The following SMOC2 variants were observed in gnomAD, a reference collection of about 807,000 sequenced individuals.
The protein encoded by SMOC2 is SPARC related modular calcium binding 2.
A neutral mutation model predicts 61.4 loss-of-function variants in SMOC2; 39 were observed. That is an observed-to-expected ratio of 0.64 (90% CI 0.49 to 0.83). The LOEUF is 0.83. SMOC2 is among the 40% of genes least tolerant of loss of function. The probability of loss-of-function intolerance (pLI) is 0.00; values close to 1 mark genes in which losing one functional copy is unlikely to be tolerated. For synonymous variants in SMOC2, 247 were observed against 239.9 expected, an observed-to-expected ratio of 1.03 and a Z score of -0.27; for missense variants, 556 against 592.9, an observed-to-expected ratio of 0.94 and a Z score of 0.65.
chr6:168,456,741 G>C (rs997559540), intron 1 of SMOC2, among the ~76,000 whole-genome samples: 2 of 152,182 alleles, frequency 1.3e-5, no homozygotes, highest in Non-Finnish European at 2.9e-5. Flanking sequence ...ATCAGGTACT[G>C]TTAACAGGAG....
chr6:168,638,817 T>C (rs10945529), intron 9 of SMOC2, among the ~76,000 whole-genome samples: 26,931 of 152,132 alleles, frequency 0.18, 2,970 homozygotes, highest in South Asian at 0.35. Context: ...CTCGTTCCAT[T>C]TGAGATTCAA....
intron 1 of SMOC2, 86 bp downstream of exon 1, chr6:168,441,540 G>T (rs1233694701): frequency 8.0e-6 from 11 of 1,370,882 alleles, no homozygotes; most frequent in Non-Finnish European, 1.0e-5. Context: ...CCCGCTCCAG[G>T]CCCAGGCGCC....
intron 7 of SMOC2, among the ~76,000 whole-genome samples, chr6:168,581,510 C>T (rs569025015): frequency 2.0e-5 from 3 of 152,336 alleles, no homozygotes; most frequent in African/African-American, 7.2e-5. Context: ...GTTTGAGAAT[C>T]GCTGCCCTAG....
rs557658032 is a variant in SMOC2 at position 168,531,961 on chromosome 6, T to G, written c.463+4234T>G. ...AGGGCTCTGGAGAGTGGGGTGAGGT[T>G]GATGGCAAATGGTGTGGTGCCTTGG... is the stretch of plus-strand genomic sequence containing the variant. On this transcript the variant is annotated intron_variant, in intron 4 of 12. Transcript: ENST00000356284. Among the ~76,000 whole-genome samples, 13 of 152,198 alleles carry G rather than the reference T, an allele frequency of 8.5e-5. No individual in the cohort carries two copies. The South Asian group carries it at 2.7e-3, about 32-fold the overall frequency.
Position 168,527,646 on chromosome 6 carries a change from A to G in SMOC2, c.382A>G (p.Thr128Ala). Residue 128 changes from threonine to alanine, a missense_variant, in exon 4 of 13, where the codon ACG becomes GCG. By Grantham distance (58) the Thr-to-Ala change is moderately conservative. Coordinates refer to ENST00000356284, the MANE Select transcript of SMOC2 (RefSeq NM_001166412.2). ...CTCGCAGGTCCAGTGTCACAGCTAC[A>G]CGGGATACTGCTGGTGCGTCACGCC... is the stretch of plus-strand genomic sequence containing the variant. ...TYSQVQCHSY[T>A]GYCWCVTPNG... 6.4e-7 allele frequency: 1 copy of G among 1,551,712 alleles called. No homozygotes were observed. The highest frequency in any genetic ancestry group is 8.7e-7 in the Non-Finnish European group (1 of 1,147,478).
At chr6:168,472,870 T>A (rs925101642) in intron 1 of SMOC2, among the ~76,000 whole-genome samples, 2 of 152,170 alleles carry the variant, frequency 1.3e-5, no homozygotes, top group African/African-American at 4.8e-5. Flanking sequence ...AGCATCGTGA[T>A]GTTTTGAAGC....
rs1201843375 is a variant in SMOC2, at chr6:168,556,818, G to GT, written c.637+7625dup. Among the ~76,000 whole-genome samples, 415 of 130,484 alleles carry GT rather than the reference G, an allele frequency of 3.2e-3. 3 individuals carry two copies. The highest frequency in any genetic ancestry group is 9.5e-3 in the African/African-American group (326 of 34,400). The allele number at this position is 130,484 out of a possible 152,430, so 85.6% of individuals were successfully genotyped here. On this transcript the variant is annotated intron_variant, in intron 7 of 12. Coordinates refer to ENST00000356284, the MANE Select transcript of SMOC2 (RefSeq NM_001166412.2). The stretch of plus-strand genomic sequence containing the variant: ...CCATGTGTTCTCATTGTTCTGTTAG[G>GT]TTTTTTTTTTGTGAGCTGGAGAGAA...
chr6:168,501,794 T>C (rs1223963286), intron 1 of SMOC2, among the ~76,000 whole-genome samples: 3 of 152,250 alleles, frequency 2.0e-5, no homozygotes, highest in Non-Finnish European at 4.4e-5. Context: ...TGGTTGTGTG[T>C]GCATCCTGAG....
intron 1 of SMOC2, among the ~76,000 whole-genome samples, chr6:168,469,423 C>T (rs184619248): frequency 9.9e-4 from 150 of 152,280 alleles, no homozygotes; most frequent in Non-Finnish European, 1.6e-3. Flanking sequence ...GTTTTGTAAA[C>T]GGATAGGGGT....
intron 10 of SMOC2, among the ~76,000 whole-genome samples, chr6:168,651,321 C>T (rs980940868): frequency 6.6e-6 from 1 of 152,068 alleles, no homozygotes; most frequent in Non-Finnish European, 1.5e-5. Flanking sequence ...TCCTTGAGTA[C>T]CTGGTAGGCA....
intron 7 of SMOC2, among the ~76,000 whole-genome samples, chr6:168,575,899 G>T (rs1189018599): frequency 6.6e-6 from 1 of 150,972 alleles, no homozygotes; most frequent in Admixed American, 6.6e-5. Flanking sequence ...TTACTGACTT[G>T]GGTGCCCTCC....
chr6:168,566,618 A>C (rs1784548742), intron 7 of SMOC2, among the ~76,000 whole-genome samples: 1 of 151,406 alleles, frequency 6.6e-6, no homozygotes, highest in Admixed American at 6.6e-5. Context: ...AGTAGCTGGG[A>C]CTACAGGCAC....
intron 1 of SMOC2, among the ~76,000 whole-genome samples, chr6:168,478,894 C>T (rs113187923): frequency 4.7e-4 from 53 of 111,756 alleles, no homozygotes; most frequent in South Asian, 3.2e-3. Context: ...TTGAATGATT[C>T]ATGGTATCTG....
At position 168,565,767 on chromosome 6, in the gene SMOC2, T is replaced by A. The variant is rs1372125302; in HGVS notation, c.637+16564T>A. 2.6e-5 allele frequency among the ~76,000 whole-genome samples: 4 copies of A among 152,152 alleles called. No homozygotes were observed. In the East Asian group the frequency reaches 7.7e-4, roughly 29 times the overall value. On this transcript the variant is annotated intron_variant, in intron 7 of 12. Coordinates refer to ENST00000356284, the MANE Select transcript of SMOC2 (RefSeq NM_001166412.2). Reference sequence around the variant, plus strand: ...CACCACCAACGCCATCACCCTTCTTTCTGCAATCATCTAAGGTCCCAGCTG... The same window carrying A: ...CACCACCAACGCCATCACCCTTCTTACTGCAATCATCTAAGGTCCCAGCTG...
At chr6:168,599,675 TAC>T (rs910206304) in intron 8 of SMOC2, among the ~76,000 whole-genome samples, 4 of 75,396 alleles carry the variant, frequency 5.3e-5, no homozygotes, top group Non-Finnish European at 1.0e-4. Flanking sequence ...CACACTCCCC[TAC>T]ACACTCTCAC....
chr6:168,533,745 A>T (rs1224764625), intron 4 of SMOC2, among the ~76,000 whole-genome samples: 2 of 152,140 alleles, frequency 1.3e-5, no homozygotes, highest in African/African-American at 4.8e-5. Context: ...TTGAAAAGTG[A>T]AAGTTATTAA....
intron 7 of SMOC2, among the ~76,000 whole-genome samples, chr6:168,554,449 CTTAGGAAG>C (rs1199708527): frequency 6.6e-6 from 1 of 152,178 alleles, no homozygotes; most frequent in Non-Finnish European, 1.5e-5. Context: ...CTTTTTTACA[CTTAGGAAG>C]TTAGAAGCAT....
Position 168,628,907 on chromosome 6 carries a change from C to T in SMOC2, c.907+20668C>T, listed in dbSNP as rs79704811. Among the ~76,000 whole-genome samples the T allele has an allele frequency of 1.3e-3, 202 of 152,334 alleles. 1 individual carries two copies. The highest frequency in any genetic ancestry group is 4.5e-3 in the African/African-American group (187 of 41,592). ...ACAGTTTCCGACCTTGGGCCGGTCA[C>T]GGAGGCGTGGGTGGAGGGCAGTCCG... is the stretch of plus-strand genomic sequence containing the variant. On this transcript the variant is annotated intron_variant, in intron 9 of 12. Transcript: ENST00000356284.
At position 168,618,312 on chromosome 6, in the gene SMOC2, G is replaced by A. The variant is rs527679977; in HGVS notation, c.907+10073G>A. 3.9e-5 allele frequency among the ~76,000 whole-genome samples: 6 copies of A among 152,370 alleles called. No homozygotes were observed. In the South Asian group the frequency reaches 1.2e-3, roughly 32 times the overall value. On this transcript the variant is annotated intron_variant, in intron 9 of 12. Coordinates refer to ENST00000356284, the MANE Select transcript of SMOC2 (RefSeq NM_001166412.2). ...TCCAATGGCAAAGAGCCAGCGTAGT[G>A]GCATTAAGAGGCGAGTCAAGGAGAG...
Sources: gnomAD v4.1 joint callset for allele counts (sites outside exome capture counted in the v4.1 genomes callset) on GRCh38, gnomAD v4.1.1 for gene constraint, MANE v1.5 for transcripts, NCBI Gene and HGNC (gene_info 2026-07-23, HGNC 2026-07-21) for gene names.